ASIP: variants seen among roughly 807,000 people sequenced by gnomAD.
The protein encoded by ASIP is agouti signaling protein, also known as agouti-signaling protein.
Under a neutral mutation model 10.3 loss-of-function variants are expected in ASIP, and 11 were observed. That is an observed-to-expected ratio of 1.07 (90% CI 0.68 to 1.78). The LOEUF (loss-of-function observed/expected upper bound fraction) is 1.78, where lower values mean the gene tolerates loss of function less well. ASIP is among the 40% of genes most tolerant of loss of function. The pLI is 0.00. For synonymous variants in ASIP, 70 were observed against 70.8 expected, an observed-to-expected ratio of 0.99 and a Z score of 0.06; for missense variants, 180 against 169.2, an observed-to-expected ratio of 1.06 and a Z score of -0.35.
chr20:34,217,657 GTTC>G (rs2035018393), intron 1 of ASIP, among the ~76,000 whole-genome samples: 1 of 151,918 alleles, frequency 6.6e-6, no homozygotes, highest in Non-Finnish European at 1.5e-5. Context: ...CGCCTCTTGG[GTTC>G]ACGCCATTCT....
At chr20:34,235,865 GA>G (rs376492357) in intron 1 of ASIP, among the ~76,000 whole-genome samples, 7,215 of 39,784 alleles carry the variant, frequency 0.18, 1,806 homozygotes, top group African/African-American at 0.6. Context: ...AGGAAGGAAG[GA>G]AAGGAAGGAA....
intron 1 of ASIP, among the ~76,000 whole-genome samples, chr20:34,203,185 G>A (rs1285895531): frequency 1.3e-5 from 2 of 151,434 alleles, no homozygotes; most frequent in African/African-American, 4.9e-5. Context: ...ATTTTTATTG[G>A]GATTACATTA....
At chr20:34,253,046 A>G (rs1268457534) in intron 1 of ASIP, among the ~76,000 whole-genome samples, 1 of 152,192 alleles carries the variant, frequency 6.6e-6, no homozygotes, top group Non-Finnish European at 1.5e-5. Context: ...ACAGATCAAA[A>G]TGGAGTTTTT....
chr20:34,260,727 T>C (rs957219791), intron 2 of ASIP, among the ~76,000 whole-genome samples, 193 bp downstream of exon 2: 2 of 152,244 alleles, frequency 1.3e-5, no homozygotes, highest in South Asian at 2.1e-4. Flanking sequence ...ACCAGTCTAA[T>C]AAGCAGCTTA....
rs879079167 is a variant in ASIP, at chr20:34,246,351, G to A, written c.-11+4862G>A. ...GAATTTTCTACAGTAAATTTTGCAA[G>A]TTCATTTAGAAAATTCTTCTCTAAC... On this transcript the variant is annotated intron_variant, in intron 1 of 3. Coordinates refer to ENST00000374954, the MANE Select transcript of ASIP (RefSeq NM_001672.3). 5.3e-6 allele frequency: 8 copies of A among 1,520,306 alleles called. No individual in the cohort carries two copies. In the African/African-American group the frequency reaches 5.5e-5, roughly 11 times the overall value. The allele number at this position is 1,520,306 out of a possible 1,614,324, so 94.2% of individuals were successfully genotyped here.
intron 2 of ASIP, 97 bp downstream of exon 2, chr20:34,260,631 C>A: frequency 9.0e-6 from 12 of 1,326,230 alleles, no homozygotes; most frequent in Non-Finnish European, 1.2e-5. Context: ...GCCATGGTCA[C>A]GGCTCCTTCT....
chr20:34,244,520 A>G (rs2035337944), intron 1 of ASIP, among the ~76,000 whole-genome samples: 1 of 152,244 alleles, frequency 6.6e-6, no homozygotes, highest in Admixed American at 6.5e-5. Flanking sequence ...CTTAGAAAAT[A>G]TGATTCTTTA....
chr20:34,260,505 T>C lies in ASIP; in HGVS notation c.131T>C (p.Leu44Pro). The stretch of plus-strand genomic sequence containing the variant: ...CTGAGAAGCAACTCCTCTGTGAACC[T>C]ACTGGATGTCCCTTCTGTCTCTATT... Reference protein sequence around the residue: ...RSLRSNSSVNLLDVPSVSIVA... With the variant: ...RSLRSNSSVNPLDVPSVSIVA... Residue 44 changes from leucine (L) to proline (P), a missense_variant, in exon 2 of 4, where the codon CTA becomes CCA. Physicochemically the swap from Leu to Pro is moderately conservative, Grantham distance 98. Transcript: ENST00000374954. The C allele has an allele frequency of 1.9e-6, 3 of 1,613,660 alleles. No homozygotes were observed. The highest frequency in any genetic ancestry group is 2.5e-6 in the Non-Finnish European group (3 of 1,179,688).
chr20:34,244,127 T>C (rs939991284), intron 1 of ASIP, among the ~76,000 whole-genome samples: 1 of 152,176 alleles, frequency 6.6e-6, no homozygotes, highest in African/African-American at 2.4e-5. Context: ...CAATAAACCA[T>C]GGTTTTGTGG....
rs2035846987 is a variant in ASIP at position 34,269,284 on chromosome 20, G to A, written c.*117G>A. 7.0e-6 allele frequency: 9 copies of A among 1,283,198 alleles called. No individual in the cohort carries two copies. In the South Asian group the frequency reaches 1.4e-4, roughly 20 times the overall value. 79.5% of individuals were successfully genotyped at this position (1,283,198 alleles called of 1,614,324 possible). ...CTGCAGGCGGGCGGAGGTTCCAGGAGATGGGACTTCAGGGAGACCTGGCTT... is the reference window on the plus strand; with the variant it reads ...CTGCAGGCGGGCGGAGGTTCCAGGAAATGGGACTTCAGGGAGACCTGGCTT... On this transcript the variant is annotated 3_prime_UTR_variant, in exon 4 of 4. Transcript: ENST00000374954.
chr20:34,238,470 G>A (rs1460234629), upstream of ASIP, among the ~76,000 whole-genome samples: 3 of 151,970 alleles, frequency 2.0e-5, no homozygotes, highest in Non-Finnish European at 4.4e-5. Context: ...TTTGGTTATT[G>A]TACTAATCAA....
At chr20:34,223,874 A>G (rs2035073944) in intron 1 of ASIP, among the ~76,000 whole-genome samples, 1 of 96,542 alleles carries the variant, frequency 1.0e-5, no homozygotes, top group African/African-American at 6.3e-5. Flanking sequence ...TTCTGCACTA[A>G]GAAAAATTCT....
intron 1 of ASIP, among the ~76,000 whole-genome samples, chr20:34,231,980 G>A (rs1192990453): frequency 2.6e-5 from 4 of 152,182 alleles, no homozygotes; most frequent in Non-Finnish European, 5.9e-5. Context: ...TGAGACTCAG[G>A]TCAGAGACAA....
chr20:34,213,475 T>C (rs934551145), intron 1 of ASIP: 6 of 1,310,304 alleles, frequency 4.6e-6, no homozygotes, highest in Non-Finnish European at 5.3e-6. Context: ...AGTTTTGAAG[T>C]GAACACTGAA....
intron 1 of ASIP, among the ~76,000 whole-genome samples, chr20:34,205,862 C>T (rs2034933220): frequency 6.6e-6 from 1 of 151,896 alleles, no homozygotes; most frequent in East Asian, 1.9e-4. Flanking sequence ...TTTAGCTAGA[C>T]ACAGAGTGCT....
At chr20:34,239,636 G>A (rs1157325096), upstream of ASIP, among the ~76,000 whole-genome samples, 2 of 152,212 alleles carry the variant, frequency 1.3e-5, no homozygotes, top group Non-Finnish European at 2.9e-5. Context: ...TGAGATAGCA[G>A]TGTTCAGACA....
At position 34,250,938 on chromosome 20, in the gene ASIP, C is replaced by G. The variant is rs186715980; in HGVS notation, c.-10-9427C>G. 2.6e-5 allele frequency among the ~76,000 whole-genome samples: 4 copies of G among 152,196 alleles called. No individual in the cohort carries two copies. In the East Asian group the frequency reaches 7.7e-4, roughly 29 times the overall value. ...GTGCACACTCAGGACGCTGAGTGTA[C>G]CCTACTCAGGGATGATCTCAACACT... On this transcript the variant is annotated intron_variant, in intron 1 of 3. Transcript: ENST00000374954.
chr20:34,202,751 A>G (rs2034908076), intron 1 of ASIP, among the ~76,000 whole-genome samples: 1 of 149,486 alleles, frequency 6.7e-6, no homozygotes, highest in Admixed American at 6.6e-5. Context: ...GATATTTGGT[A>G]GAATAAGTCC....
At chr20:34,201,017 CTTCTTTCTTTCTTTCTTTCT>C (rs1215561275) in intron 1 of ASIP, among the ~76,000 whole-genome samples, 2 of 63,420 alleles carry the variant, frequency 3.2e-5, no homozygotes, top group African/African-American at 7.1e-5. Context: ...TCCTTCCTTC[CTTCTTTCTTTCTTTCTTTCT>C]TTCTTTCTTT....
Sources: gnomAD v4.1 joint callset for allele counts (sites outside exome capture counted in the v4.1 genomes callset) on GRCh38, gnomAD v4.1.1 for gene constraint, MANE v1.5 for transcripts, NCBI Gene and HGNC (gene_info 2026-07-23, HGNC 2026-07-21) for gene names.